The following XRCC4 variants were observed in gnomAD, a reference collection of about 807,000 sequenced individuals.
The protein encoded by XRCC4 is X-ray repair cross complementing 4.
In XRCC4, 28 loss-of-function variants were observed where a neutral mutation model predicts 39.1. The observed-to-expected ratio is 0.72, with a 90% confidence interval of 0.53 to 0.98. The LOEUF is 0.98. Ranked by LOEUF, XRCC4 falls within the 50% of genes least tolerant of loss-of-function variation. XRCC4 has a pLI of 0.00. For synonymous variants in XRCC4, 123 were observed against 126.4 expected (o/e 0.97, Z 0.18); for missense variants, 350 against 376.4 (o/e 0.93, Z 0.58).
intron 7 of XRCC4, among the ~76,000 whole-genome samples, chr5:83,314,710 A>G (rs1477687762): frequency 6.6e-6 from 1 of 152,144 alleles, no homozygotes; most frequent in Non-Finnish European, 1.5e-5. Flanking sequence ...ATCAGTGATC[A>G]TTTATTTTAC....
At chr5:83,356,401 G>T (rs1757190472), downstream of XRCC4, among the ~76,000 whole-genome samples, 1 of 152,046 alleles carries the variant, frequency 6.6e-6, no homozygotes, top group African/African-American at 2.4e-5. Flanking sequence ...TAACTCCCTG[G>T]TGATAAGAGA....
In XRCC4 at chr5:83,274,092, C is replaced by T. The variant is rs1329223989; in HGVS notation, c.893+15415C>T. Among the ~76,000 whole-genome samples, 4 of 152,212 alleles carry T rather than the reference C, an allele frequency of 2.6e-5. No homozygotes were observed. The East Asian group carries it at 5.8e-4, about 22-fold the overall frequency. Reference sequence around the variant, plus strand: ...ATACCTACCTCGTTAAAATTAAAGACATGACAATTATATTATGCCAGGCAC... The same window carrying T: ...ATACCTACCTCGTTAAAATTAAAGATATGACAATTATATTATGCCAGGCAC... On this transcript the variant is annotated intron_variant, in intron 7 of 7. Coordinates refer to ENST00000396027, the MANE Select transcript of XRCC4 (RefSeq NM_003401.5).
chr5:83,197,438 C>T (rs1316179293), intron 4 of XRCC4, among the ~76,000 whole-genome samples: 1 of 152,064 alleles, frequency 6.6e-6, no homozygotes, highest in East Asian at 1.9e-4. Context: ...TACAAAAATG[C>T]AGACTGGGTA....
chr5:83,192,451 GCA>G (rs1750753991), intron 3 of XRCC4, among the ~76,000 whole-genome samples: 1 of 151,546 alleles, frequency 6.6e-6, no homozygotes, highest in Non-Finnish European at 1.5e-5. Flanking sequence ...GGGACTACAG[GCA>G]CACGCCACCA....
chr5:83,136,554 C>T (rs77012397), intron 3 of XRCC4, among the ~76,000 whole-genome samples: 6,606 of 152,218 alleles, frequency 0.043, 186 homozygotes, highest in Non-Finnish European at 0.067. Flanking sequence ...TAATTATTGT[C>T]ATTAAGTTAT....
Position 83,328,381 on chromosome 5 carries a change from A to G in XRCC4, c.894-24750A>G, listed in dbSNP as rs566577317. ...CTACATAGAAAATTCAAAAGAATCT[A>G]TAGGTAAATACTTTGAATTAATAAG... On this transcript the variant is annotated intron_variant, in intron 7 of 7. Coordinates refer to ENST00000396027, the MANE Select transcript of XRCC4 (RefSeq NM_003401.5). Among the ~76,000 whole-genome samples, 109 of 152,268 alleles carry G rather than the reference A, an allele frequency of 7.2e-4. 1 individual carries two copies. The highest frequency in any genetic ancestry group is 2.4e-3 in the African/African-American group (99 of 41,570).
At chr5:83,309,304 T>A (rs1249249203) in intron 7 of XRCC4, among the ~76,000 whole-genome samples, 173 of 106,160 alleles carry the variant, frequency 1.6e-3, no homozygotes, top group East Asian at 3.2e-3. Context: ...AAAATATATA[T>A]ATATATATAT....
chr5:83,347,541 C>A (rs1756953110), intron 7 of XRCC4, among the ~76,000 whole-genome samples: 1 of 152,146 alleles, frequency 6.6e-6, no homozygotes, highest in Non-Finnish European at 1.5e-5. Context: ...AACTCACACA[C>A]TATCGTGAGA....
chr5:83,305,202 AT>A (rs1561465267), intron 7 of XRCC4, among the ~76,000 whole-genome samples: 1 of 152,134 alleles, frequency 6.6e-6, no homozygotes, highest in Non-Finnish European at 1.5e-5. Flanking sequence ...TATTATTAAA[AT>A]CTTACATCAG....
chr5:83,329,931 C>T (rs1284505812), intron 7 of XRCC4, among the ~76,000 whole-genome samples: 1 of 152,010 alleles, frequency 6.6e-6, no homozygotes, highest in Non-Finnish European at 1.5e-5. Context: ...TAGATGGCAG[C>T]AATGTATCGA....
At chr5:83,243,715 G>A (rs1175101286) in intron 6 of XRCC4, among the ~76,000 whole-genome samples, 3 of 152,156 alleles carry the variant, frequency 2.0e-5, no homozygotes, top group Non-Finnish European at 4.4e-5. Context: ...TGAGAGCTAG[G>A]AAAAAGATAC....
At chr5:83,370,317 T>C in the XRCC4 span, among the ~76,000 whole-genome samples, 2 of 152,200 alleles carry the variant, frequency 1.3e-5, no homozygotes, top group South Asian at 2.1e-4. Context: ...CTGTGACTTC[T>C]GTCTGTCATA....
chr5:83,340,485 G>A (rs1756721833), intron 7 of XRCC4, among the ~76,000 whole-genome samples: 1 of 152,130 alleles, frequency 6.6e-6, no homozygotes, highest in African/African-American at 2.4e-5. Flanking sequence ...AGAAAAGAGA[G>A]GCAGAAGAAG....
intron 3 of XRCC4, among the ~76,000 whole-genome samples, chr5:83,180,442 G>A (rs1480817096): frequency 7.9e-5 from 12 of 152,012 alleles, no homozygotes; most frequent in East Asian, 1.9e-4. Flanking sequence ...ACATTTCAGC[G>A]GCTCAAATTT....
At chr5:83,227,273 T>G (rs1752326637) in intron 6 of XRCC4, among the ~76,000 whole-genome samples, 1 of 152,116 alleles carries the variant, frequency 6.6e-6, no homozygotes, top group Non-Finnish European at 1.5e-5. Flanking sequence ...ATTCAGTGTC[T>G]TGAAAGTAAC....
chr5:83,162,473 A>C (rs905664052), intron 3 of XRCC4, among the ~76,000 whole-genome samples: 7 of 152,200 alleles, frequency 4.6e-5, no homozygotes, highest in African/African-American at 1.7e-4. Context: ...AATGTGTAAT[A>C]ATGGCTTATG....
At chr5:83,212,339 C>T (rs1320726078) in intron 6 of XRCC4, among the ~76,000 whole-genome samples, 1 of 151,572 alleles carries the variant, frequency 6.6e-6, no homozygotes, top group South Asian at 2.1e-4. Flanking sequence ...AGCAGTTGAA[C>T]AACAGATTCA....
intron 3 of XRCC4, among the ~76,000 whole-genome samples, chr5:83,113,746 C>T (rs1437909520): frequency 6.6e-6 from 1 of 152,124 alleles, no homozygotes; most frequent in Non-Finnish European, 1.5e-5. Context: ...CCTGCCTCAG[C>T]CTCCCAGGTA....
At chr5:83,122,166 C>A (rs1475675747) in intron 3 of XRCC4, among the ~76,000 whole-genome samples, 1 of 152,112 alleles carries the variant, frequency 6.6e-6, no homozygotes, top group African/African-American at 2.4e-5. Flanking sequence ...TCTATTATTT[C>A]AAATATTTTT....
Sources: allele counts gnomAD v4.1 joint callset (sites outside exome capture counted in the v4.1 genomes callset), GRCh38; gene constraint gnomAD v4.1.1; transcripts MANE v1.5; gene names NCBI Gene and HGNC (gene_info 2026-07-23, HGNC 2026-07-21).